Variants in OSBPL9 observed in about 807,000 individuals in gnomAD.
The protein encoded by OSBPL9 is oxysterol-binding protein-related protein 9.
In OSBPL9, 40 loss-of-function variants were observed where a neutral mutation model predicts 106.6. The observed-to-expected ratio is 0.38, with a 90% CI of 0.29 to 0.49. The LOEUF (loss-of-function observed/expected upper bound fraction) is 0.49, where lower values mean the gene tolerates loss of function less well. Ranked by LOEUF, OSBPL9 falls within the 20% of genes least tolerant of loss-of-function variation. OSBPL9 has a pLI of 0.97. For missense variants in OSBPL9, 609 were observed against 887.2 expected, an observed-to-expected ratio of 0.69 and a Z score of 3.98; for synonymous variants, 269 against 295.4, an observed-to-expected ratio of 0.91 and a Z score of 0.92.
At chr1:51,603,510 C>T (rs1376598291) in intron 2 of OSBPL9, among the ~76,000 whole-genome samples, 1 of 152,220 alleles carries the variant, frequency 6.6e-6, no homozygotes, top group Non-Finnish European at 1.5e-5. Context: ...ATGATACTGC[C>T]TCTCTTTCCT....
At chr1:51,597,951 C>A (rs568832890) in intron 1 of OSBPL9, among the ~76,000 whole-genome samples, 2 of 152,194 alleles carry the variant, frequency 1.3e-5, no homozygotes, top group Non-Finnish European at 2.9e-5. Context: ...GGACATGGAC[C>A]TTTAGGCAAC....
At chr1:51,712,011 G>A (rs1660114641) in intron 3 of OSBPL9, among the ~76,000 whole-genome samples, 1 of 152,070 alleles carries the variant, frequency 6.6e-6, no homozygotes, top group South Asian at 2.1e-4. Context: ...CAGACGGGGT[G>A]GTGGCCGGGC....
intron 4 of OSBPL9, among the ~76,000 whole-genome samples, chr1:51,738,509 A>G (rs1666200104): frequency 6.6e-6 from 1 of 152,058 alleles, no homozygotes. Flanking sequence ...TACCAAGGTA[A>G]TAATTAAGTA....
At chr1:51,633,176 C>T (rs993870082) in intron 1 of OSBPL9, among the ~76,000 whole-genome samples, 28 of 151,700 alleles carry the variant, frequency 1.8e-4, no homozygotes, top group Non-Finnish European at 3.5e-4. Flanking sequence ...CCAGGCTGGT[C>T]TTGAACTCCT....
chr1:51,567,930 T>C, the OSBPL9 span: 4 of 152,236 alleles, frequency 2.6e-5, no homozygotes, highest in Non-Finnish European at 5.9e-5. Context: ...AAACACAGCA[T>C]GTGTATTAAT....
intron 3 of OSBPL9, chr1:51,669,915 A>C (rs1649463624): frequency 2.5e-6 from 1 of 405,934 alleles, no homozygotes; most frequent in Admixed American, 3.1e-5. Context: ...AAAACTCAAA[A>C]TATAAATTAA....
chr1:51,534,183 G>A, the OSBPL9 span, among the ~76,000 whole-genome samples: 4 of 150,384 alleles, frequency 2.7e-5, no homozygotes, highest in African/African-American at 4.9e-5. Flanking sequence ...CAGCCTGGGC[G>A]ATAGAGTGAG....
At chr1:51,688,635 T>TA (rs1654325883) in intron 3 of OSBPL9, among the ~76,000 whole-genome samples, 1 of 152,100 alleles carries the variant, frequency 6.6e-6, no homozygotes, top group Non-Finnish European at 1.5e-5. Context: ...AAAAATAAAC[T>TA]AAAAAAATTT....
chr1:51,680,117 C>T (rs932416857), intron 3 of OSBPL9, among the ~76,000 whole-genome samples: 2 of 151,638 alleles, frequency 1.3e-5, no homozygotes, highest in African/African-American at 2.4e-5. Context: ...AGCCATGTGT[C>T]GTGGCTTGCG....
the OSBPL9 span, among the ~76,000 whole-genome samples, chr1:51,540,788 GTC>G: frequency 1.3e-5 from 2 of 151,466 alleles, no homozygotes; most frequent in African/African-American, 4.9e-5. Flanking sequence ...GTGAAACCCC[GTC>G]TCTACTAAAA....
intron 12 of OSBPL9, among the ~76,000 whole-genome samples, chr1:51,767,821 T>A (rs1280319328): frequency 1.3e-5 from 2 of 151,738 alleles, no homozygotes; most frequent in African/African-American, 4.8e-5. Flanking sequence ...AAAGTTTTTA[T>A]AATAATGGGG....
chr1:51,784,449 C>T lies in OSBPL9; in HGVS notation c.1696C>T (p.Leu566Phe). Reference protein sequence around the residue: ...TFPNGYGRSILTVPWVELGGE... With the variant: ...TFPNGYGRSIFTVPWVELGGE... Reference sequence around the variant, plus strand: ...AAACTTTTGATTTTGCAGGTCTATCCTCACAGTGCCCTGGGTGGAATTAGG... The same window carrying T: ...AAACTTTTGATTTTGCAGGTCTATCTTCACAGTGCCCTGGGTGGAATTAGG... The change falls in exon 20 of 24, where the codon CTC (leucine) becomes TTC (phenylalanine). Residue 566 changes from leucine to phenylalanine, a missense_variant. This residue lies in a region of OSBPL9 where 19 missense variants were observed against 60.9 expected (regional missense o/e 0.31). Coordinates refer to ENST00000428468, the MANE Select transcript of OSBPL9 (RefSeq NM_024586.6). 6.8e-6 allele frequency: 11 copies of T among 1,614,144 alleles called. No individual in the cohort carries two copies. The highest frequency in any genetic ancestry group is 9.3e-6 in the Non-Finnish European group (11 of 1,179,998).
At chr1:51,715,124 GA>G (rs1660793443) in intron 4 of OSBPL9, among the ~76,000 whole-genome samples, 1 of 152,062 alleles carries the variant, frequency 6.6e-6, no homozygotes, top group African/African-American at 2.4e-5. Flanking sequence ...TCTATATCAG[GA>G]ATTGACTTGA....
Position 51,745,588 on chromosome 1 carries a change from C to G in OSBPL9, c.371C>G (p.Thr124Arg), listed in dbSNP as rs777158944. Residue 124 changes from threonine (T) to arginine (R), a missense_variant, in exon 5 of 24, where the codon ACA becomes AGA. Physicochemically the swap from Thr to Arg is moderately conservative, Grantham distance 71. Transcript: ENST00000428468. ...PSVQDFDKKL[T>R]EADAYLQILI... is the part of the protein sequence containing the mutation. The stretch of plus-strand genomic sequence containing the variant: ...GTCCAAGATTTTGATAAGAAACTTA[C>G]AGAAGCTGATGCTTACCTACAAATC... 4 of 1,607,022 alleles carry G rather than the reference C, an allele frequency of 2.5e-6. No homozygotes were observed. The African/African-American group carries it at 4.0e-5, about 16-fold the overall frequency.
intron 2 of OSBPL9, among the ~76,000 whole-genome samples, chr1:51,599,643 C>T (rs1325229655): frequency 6.6e-6 from 1 of 152,026 alleles, no homozygotes; most frequent in African/African-American, 2.4e-5. Flanking sequence ...ATTCTACAAG[C>T]TGATAAAATG....
intron 2 of OSBPL9, among the ~76,000 whole-genome samples, chr1:51,665,419 C>T (rs550076426): frequency 1.3e-5 from 2 of 152,342 alleles, no homozygotes; most frequent in East Asian, 1.9e-4. Flanking sequence ...GGTGGGATTA[C>T]AGGCATGAGC....
upstream of OSBPL9, among the ~76,000 whole-genome samples, chr1:51,574,384 C>G (rs552355574): frequency 6.6e-6 from 1 of 152,294 alleles, no homozygotes; most frequent in East Asian, 1.9e-4. Context: ...CTTTAGGAGG[C>G]CAACGTGGGC....
chr1:51,698,343 T>G (rs1476639231), intron 3 of OSBPL9, among the ~76,000 whole-genome samples: 1 of 152,148 alleles, frequency 6.6e-6, no homozygotes, highest in African/African-American at 2.4e-5. Flanking sequence ...AAAGGTCTAT[T>G]TAGTGGGCCC....
At chr1:51,524,148 G>A in the OSBPL9 span, among the ~76,000 whole-genome samples, 1 of 152,232 alleles carries the variant, frequency 6.6e-6, no homozygotes, top group Non-Finnish European at 1.5e-5. Flanking sequence ...AAGAATATGT[G>A]AGGCAGCACA....
Sources: allele counts gnomAD v4.1 joint callset (sites outside exome capture counted in the v4.1 genomes callset), GRCh38; gene constraint gnomAD v4.1.1; regional missense constraint gnomAD v4.1.1; transcripts MANE v1.5; gene names NCBI Gene and HGNC (gene_info 2026-07-23, HGNC 2026-07-21).